Variants in ZSCAN1 observed in about 807,000 individuals in gnomAD.
ZSCAN1 encodes the protein zinc finger and SCAN domain-containing protein 1.
In ZSCAN1, 23 loss-of-function variants were observed where a neutral mutation model predicts 23.8. That is an observed-to-expected ratio of 0.97 (90% confidence interval 0.70 to 1.37). ZSCAN1 has a LOEUF of 1.37. Ranked by LOEUF, ZSCAN1 falls within the 40% of genes most tolerant of loss-of-function variation. The probability of loss-of-function intolerance (pLI) is 0.00; values close to 1 mark genes in which losing one functional copy is unlikely to be tolerated. For synonymous variants in ZSCAN1, 236 were observed against 232.3 expected, an observed-to-expected ratio of 1.02 and a Z score of -0.15; for missense variants, 575 against 554.0, an observed-to-expected ratio of 1.04 and a Z score of -0.38.
In ZSCAN1 at chr19:58,053,557, A is replaced by C. The variant is rs780463906; in HGVS notation, c.733A>C (p.Arg245=). ...ISSPKGPSAQ[R]ISPRRRNRNT... Reference sequence around the variant, plus strand: ...GAGCCCCAAGGGTCCAAGTGCTCAGAGAATCAGTCCCCGAAGGAGAAACAG... The same window carrying C: ...GAGCCCCAAGGGTCCAAGTGCTCAGCGAATCAGTCCCCGAAGGAGAAACAG... The change falls in exon 6 of 6, where the codon AGA becomes CGA. Residue 245 remains arginine (R), a synonymous_variant. Coordinates refer to ENST00000282326, the MANE Select transcript of ZSCAN1 (RefSeq NM_182572.4). This position sits in a 1 kb window ranked among gnomAD's most constrained non-coding sequence, Gnocchi z 5.8. 1.2e-6 allele frequency: 2 copies of C among 1,614,064 alleles called. No homozygotes were observed. Among genetic ancestry groups the C allele is most frequent in the Admixed American group, 1.7e-5 (1 of 60,006 alleles).
At chr19:58,055,368 C>T (rs559632569), downstream of ZSCAN1, among the ~76,000 whole-genome samples, 3 of 152,298 alleles carry the variant, frequency 2.0e-5, no homozygotes, top group Non-Finnish European at 2.9e-5. Context: ...CTTGCCTTCT[C>T]GGAGCGCCCC....
At chr19:58,039,523 A>C (rs2073768875) in intron 3 of ZSCAN1, among the ~76,000 whole-genome samples, 1 of 152,096 alleles carries the variant, frequency 6.6e-6, no homozygotes, top group Non-Finnish European at 1.5e-5. Context: ...TAATCTCAGC[A>C]CTTTGGGAGG....
chr19:58,043,304 C>T (rs1052723462), intron 4 of ZSCAN1, among the ~76,000 whole-genome samples: 3 of 152,258 alleles, frequency 2.0e-5, no homozygotes, highest in Non-Finnish European at 2.9e-5. Flanking sequence ...CACACACCTA[C>T]ACGCACAGCC....
intron 4 of ZSCAN1, among the ~76,000 whole-genome samples, chr19:58,050,646 G>A (rs899596881): frequency 2.6e-5 from 4 of 151,466 alleles, no homozygotes; most frequent in East Asian, 2.0e-4. Flanking sequence ...TCAGCCTCCC[G>A]AGTAGCTGGG....
In ZSCAN1 at chr19:58,053,306, T is replaced by G; in HGVS notation, c.605-123T>G. ...CAGAACGGAGGACACAGGGGCCGTA[T>G]TGAGCAGAGGAAGGGCCTGGACTTG... On this transcript the variant is annotated intron_variant, in intron 5 of 5. Transcript: ENST00000282326. The surrounding 1 kb of genome is among the most constrained non-coding windows in gnomAD (Gnocchi z 5.8). 7.9e-7 allele frequency: 1 copy of G among 1,266,458 alleles called. No homozygotes were observed. The highest frequency in any genetic ancestry group is 1.5e-5 in the African/African-American group (1 of 66,942). The allele number at this position is 1,266,458 out of a possible 1,614,324, so 78.5% of individuals were successfully genotyped here. A position where few individuals can be genotyped will look rare whatever the true frequency, so the allele number is the denominator to read the frequency against.
At chr19:58,044,767 G>A in intron 4 of ZSCAN1, 1 of 721,794 alleles carries the variant, frequency 1.4e-6, no homozygotes, top group East Asian at 2.8e-5. Flanking sequence ...CACCCACCCT[G>A]CCTACCCGTG....
downstream of ZSCAN1, among the ~76,000 whole-genome samples, chr19:58,054,860 T>TA (rs2073881652): frequency 3.3e-5 from 5 of 152,254 alleles, 1 homozygote; most frequent in South Asian, 1.0e-3. The surrounding 1 kb of genome is among the most constrained non-coding windows in gnomAD (Gnocchi z 4.2). Flanking sequence ...ATTTTTTTTT[T>TA]AGATAGATGC....
At chr19:58,044,646 C>A in intron 4 of ZSCAN1, 1 of 1,001,688 alleles carries the variant, frequency 1.0e-6, no homozygotes, top group East Asian at 2.9e-5. Flanking sequence ...CTCCCGCCGC[C>A]GCCTCGGGTC....
At chr19:58,043,833 A>T (rs888246580) in intron 4 of ZSCAN1, among the ~76,000 whole-genome samples, 3 of 151,950 alleles carry the variant, frequency 2.0e-5, no homozygotes, top group South Asian at 2.1e-4. Context: ...ATGTTTTAAA[A>T]TTTTTTTAGT....
intron 4 of ZSCAN1, among the ~76,000 whole-genome samples, chr19:58,041,287 C>CA (rs2073787690): frequency 6.6e-6 from 1 of 152,228 alleles, no homozygotes; most frequent in Non-Finnish European, 1.5e-5. Flanking sequence ...ACCATCTGCC[C>CA]ATGTGGCTGT....
At position 58,054,127 on chromosome 19, in the gene ZSCAN1, A is replaced by G; in HGVS notation, c.*76A>G. On this transcript the variant is annotated 3_prime_UTR_variant, in exon 6 of 6. Transcript: ENST00000282326. The surrounding 1 kb of genome is among the most constrained non-coding windows in gnomAD (Gnocchi z 4.2). ...TGATGGGCCCCAGAAGATGGGGGAC[A>G]TCCCCCAGCCCCACCAACCCCTGGC... 1.4e-6 allele frequency: 2 copies of G among 1,424,236 alleles called. No homozygotes were observed. The highest frequency in any genetic ancestry group is 1.8e-6 in the Non-Finnish European group (2 of 1,089,272). 88.2% of individuals were successfully genotyped at this position (1,424,236 alleles called of 1,614,324 possible). A position where few individuals can be genotyped will look rare whatever the true frequency, so the allele number is the denominator to read the frequency against.
chr19:58,046,730 G>C, intron 4 of ZSCAN1: 1 of 783,892 alleles, frequency 1.3e-6, no homozygotes, highest in South Asian at 1.4e-5. Context: ...GGGTGGAGAA[G>C]GAGAAGGTGG....
chr19:58,034,719 G>A (rs2073721652), intron 1 of ZSCAN1, among the ~76,000 whole-genome samples: 1 of 90,826 alleles, frequency 1.1e-5, no homozygotes, highest in African/African-American at 4.4e-5. Flanking sequence ...CTCCTGAACA[G>A]CCGCCCCCGA....
At chr19:58,044,761 C>A in intron 4 of ZSCAN1, 1 of 723,524 alleles carries the variant, frequency 1.4e-6, no homozygotes. Context: ...CACTCCCACC[C>A]ACCCTGCCTA....
intron 4 of ZSCAN1, chr19:58,046,359 G>C: frequency 1.1e-6 from 1 of 936,340 alleles, no homozygotes; most frequent in South Asian, 1.3e-5. Flanking sequence ...AAAAATACAT[G>C]GAAGGATCTA....
At position 58,045,210 on chromosome 19, in the gene ZSCAN1, CTGGTGCCGTTCCTCCTGTTCGTGG is replaced by C; in HGVS notation, c.465+4678_465+4701del. The C allele has an allele frequency of 2.3e-6, 2 of 852,332 alleles. No homozygotes were observed. The highest frequency in any genetic ancestry group is 4.1e-6 in the Non-Finnish European group (2 of 486,028). The allele number at this position is 852,332 out of a possible 1,614,324, so 52.8% of individuals were successfully genotyped here. A position where few individuals can be genotyped will look rare whatever the true frequency, so the allele number is the denominator to read the frequency against. On this transcript the variant is annotated intron_variant, in intron 4 of 5. Transcript: ENST00000282326. This position sits in a 1 kb window ranked among gnomAD's most constrained non-coding sequence, Gnocchi z 4.3. ...CCGGTTCTGTGCCGACCTCTTCCGC[CTGGTGCCGTTCCTCCTGTTCGTGG>C]TGGTGCCGTTCGTGGAGTTTCTGCT...
Position 58,054,093 on chromosome 19 carries a change from G to T in ZSCAN1, c.*42G>T. The T allele has an allele frequency of 2.1e-6, 3 of 1,445,188 alleles. No homozygotes were observed. Among genetic ancestry groups the T allele is most frequent in the Non-Finnish European group, 9.1e-7 (1 of 1,101,050 alleles). 89.5% of individuals were successfully genotyped at this position (1,445,188 alleles called of 1,614,324 possible). On this transcript the variant is annotated 3_prime_UTR_variant, in exon 6 of 6. Transcript: ENST00000282326. The surrounding 1 kb of genome is among the most constrained non-coding windows in gnomAD (Gnocchi z 4.2). ...CTCGGCCACCCGGCCCTGAGTCCCT[G>T]GGGGGAGCTGATGGGCCCCAGAAGA...
downstream of ZSCAN1, among the ~76,000 whole-genome samples, chr19:58,054,947 C>T (rs891486295): frequency 6.6e-6 from 1 of 152,136 alleles, no homozygotes; most frequent in Non-Finnish European, 1.5e-5. This position sits in a 1 kb window ranked among gnomAD's most constrained non-coding sequence, Gnocchi z 4.2. Flanking sequence ...AGAGTGGGCC[C>T]GCCTCTCCTG....
rs546896260 is a variant in ZSCAN1, at chr19:58,045,546, A to G, written c.465+5002A>G. ...GGATGAGCTGACCCTTGACAACCTG[A>G]CACGGCCGCAGCTGGTGGCCCTGTG... On this transcript the variant is annotated intron_variant, in intron 4 of 5. Transcript: ENST00000282326. This position sits in a 1 kb window ranked among gnomAD's most constrained non-coding sequence, Gnocchi z 4.3. 26 of 1,363,154 alleles carry G rather than the reference A, an allele frequency of 1.9e-5. No individual in the cohort carries two copies. Among genetic ancestry groups the G allele is most frequent in the Middle Eastern group, 4.7e-4 (2 of 4,298 alleles). 84.4% of individuals were successfully genotyped at this position (1,363,154 alleles called of 1,614,324 possible).
Sources: gnomAD v4.1 joint callset for allele counts (sites outside exome capture counted in the v4.1 genomes callset) on GRCh38, gnomAD v4.1.1 for gene constraint, Gnocchi (gnomAD v3.1) non-coding constraint, MANE v1.5 for transcripts, NCBI Gene and HGNC (gene_info 2026-07-23, HGNC 2026-07-21) for gene names.